The following LDLRAD4 variants were observed in gnomAD, a reference collection of about 807,000 sequenced individuals.
The protein encoded by LDLRAD4 is low density lipoprotein receptor class A domain containing 4, also known as low-density lipoprotein receptor class A domain-containing protein 4.
A neutral mutation model predicts 17.0 loss-of-function variants in LDLRAD4; 5 were observed. The observed-to-expected ratio is 0.29, with a 90% CI of 0.15 to 0.62. The LOEUF (loss-of-function observed/expected upper bound fraction) is 0.62, where lower values mean the gene tolerates loss of function less well. LDLRAD4 is among the 20% of genes least tolerant of loss of function. LDLRAD4 has a pLI of 0.84. For missense variants in LDLRAD4, 340 were observed against 424.7 expected (o/e 0.80, Z 1.75); for synonymous variants, 168 against 171.8 (o/e 0.98, Z 0.17).
At chr18:13,634,436 C>T (rs1003818001) in intron 4 of LDLRAD4, among the ~76,000 whole-genome samples, 25 of 151,952 alleles carry the variant, frequency 1.6e-4, no homozygotes, top group African/African-American at 2.9e-4. Context: ...ATGAACAATT[C>T]GGTAAGGAAA....
At chr18:13,432,052 G>T (rs2090374883) in intron 2 of LDLRAD4, among the ~76,000 whole-genome samples, 1 of 152,192 alleles carries the variant, frequency 6.6e-6, no homozygotes, top group African/African-American at 2.4e-5. Context: ...TCCTCCCTCA[G>T]GTTCCCAGAG....
At chr18:13,254,955 C>T (rs1193322743) in intron 1 of LDLRAD4, among the ~76,000 whole-genome samples, 7 of 152,118 alleles carry the variant, frequency 4.6e-5, no homozygotes, top group Non-Finnish European at 1.0e-4. Flanking sequence ...CAGAACGGGA[C>T]CCTGTCTCAA....
intron 1 of LDLRAD4, among the ~76,000 whole-genome samples, chr18:13,309,165 C>A (rs944334277): frequency 4.6e-5 from 7 of 152,310 alleles, no homozygotes; most frequent in Admixed American, 3.3e-4. Context: ...GGTGCAGAGG[C>A]CTGTGAGCGA....
chr18:13,386,935 GATAGATAGATAGA>G (rs1568082831), intron 1 of LDLRAD4, among the ~76,000 whole-genome samples: 3 of 125,652 alleles, frequency 2.4e-5, no homozygotes, highest in African/African-American at 9.3e-5. Flanking sequence ...TAGATAGATA[GATAGATAGATAGA>G]TGGATGGATG....
At chr18:13,235,808 G>A (rs1345712817) in intron 1 of LDLRAD4, among the ~76,000 whole-genome samples, 1 of 152,222 alleles carries the variant, frequency 6.6e-6, no homozygotes, top group Non-Finnish European at 1.5e-5. Flanking sequence ...TTTCTTGCAG[G>A]CTGGGTGCTG....
intron 1 of LDLRAD4, chr18:13,241,352 G>GTA (rs1258694206): frequency 2.6e-5 from 4 of 152,328 alleles, no homozygotes. Context: ...CTTTCGCTGT[G>GTA]TGTATACATG....
At chr18:13,486,956 C>T (rs993989027) in intron 3 of LDLRAD4, 2 of 152,186 alleles carry the variant, frequency 1.3e-5, no homozygotes, top group African/African-American at 4.8e-5. Context: ...CACACGCACC[C>T]CAACGCTTGC....
chr18:13,330,575 A>G (rs116887490), intron 1 of LDLRAD4, among the ~76,000 whole-genome samples: 3 of 152,346 alleles, frequency 2.0e-5, no homozygotes, highest in Non-Finnish European at 4.4e-5. Flanking sequence ...GATTATTTGT[A>G]GCCTACAGCA....
intron 1 of LDLRAD4, among the ~76,000 whole-genome samples, chr18:13,358,412 G>T (rs1019676967): frequency 6.6e-6 from 1 of 152,054 alleles, no homozygotes; most frequent in Admixed American, 6.6e-5. Flanking sequence ...GATATATCCA[G>T]TTCAAACAGA....
chr18:13,519,418 C>T (rs1310795712), intron 3 of LDLRAD4, among the ~76,000 whole-genome samples: 1 of 152,142 alleles, frequency 6.6e-6, no homozygotes, highest in Non-Finnish European at 1.5e-5. Context: ...CATTGATTTC[C>T]TCAAGGGGAT....
chr18:13,449,588 G>A (rs114458488), intron 3 of LDLRAD4, among the ~76,000 whole-genome samples: 1,824 of 152,346 alleles, frequency 0.012, 38 homozygotes, highest in African/African-American at 0.042. Flanking sequence ...TCCTGCGGGC[G>A]TGCACCTGTT....
chr18:13,470,640 TGTGTTGCGGGAA>T (rs1016063340), intron 3 of LDLRAD4, among the ~76,000 whole-genome samples: 3 of 150,320 alleles, frequency 2.0e-5, no homozygotes, highest in African/African-American at 7.4e-5. Flanking sequence ...CATGCTGGGA[TGTGTTGCGGGAA>T]GTGGATCGCT....
intron 3 of LDLRAD4, among the ~76,000 whole-genome samples, chr18:13,447,625 ACTT>A (rs1479814712): frequency 1.3e-5 from 2 of 152,194 alleles, no homozygotes; most frequent in African/African-American, 4.8e-5. Context: ...AAATTTATCC[ACTT>A]CTTTAAATAT....
At chr18:13,235,996 A>G (rs778215994) in intron 1 of LDLRAD4, among the ~76,000 whole-genome samples, 18 of 152,238 alleles carry the variant, frequency 1.2e-4, no homozygotes, top group Non-Finnish European at 2.4e-4. Flanking sequence ...TGTTTTTATA[A>G]TGAGAAAATT....
intron 3 of LDLRAD4, among the ~76,000 whole-genome samples, chr18:13,606,929 C>T (rs1052354870): frequency 6.6e-6 from 1 of 152,186 alleles, no homozygotes; most frequent in African/African-American, 2.4e-5. Flanking sequence ...CCAAGAGCCT[C>T]ATGGCAACAT....
chr18:13,544,715 C>T (rs972631433), intron 3 of LDLRAD4, among the ~76,000 whole-genome samples: 1 of 152,060 alleles, frequency 6.6e-6, no homozygotes, highest in East Asian at 1.9e-4. Context: ...AGCTAAAGTC[C>T]GAACACACCC....
At chr18:13,396,211 G>A (rs2086681119) in intron 2 of LDLRAD4, among the ~76,000 whole-genome samples, 1 of 152,180 alleles carries the variant, frequency 6.6e-6, no homozygotes, top group South Asian at 2.1e-4. Flanking sequence ...GTGTGAGAAA[G>A]ACATCTCCTG....
At position 13,640,292 on chromosome 18, in the gene LDLRAD4, C is replaced by CAAAAAAAAAAA. The variant is rs55794457; in HGVS notation, c.337-3059_337-3049dup. On this transcript the variant is annotated intron_variant, in intron 4 of 5. Transcript: ENST00000359446. ...TGGGCAACAGAGCGAGATTCCATCT[C>CAAAAAAAAAAA]AAAAAAAAAAAAAAAAAATGAAATC... 4.1e-5 allele frequency among the ~76,000 whole-genome samples: 4 copies of CAAAAAAAAAAA among 98,444 alleles called. 1 individual carries two copies. Among genetic ancestry groups the CAAAAAAAAAAA allele is most frequent in the Non-Finnish European group, 5.7e-5 (3 of 52,652 alleles). The allele number at this position is 98,444 out of a possible 152,430, so 64.6% of individuals were successfully genotyped here.
At chr18:13,606,532 A>G (rs1263912636) in intron 3 of LDLRAD4, among the ~76,000 whole-genome samples, 1 of 152,150 alleles carries the variant, frequency 6.6e-6, no homozygotes, top group Admixed American at 6.5e-5. Context: ...GGCTGGTGGG[A>G]GCACACGCAG....
Sources: gnomAD v4.1 joint callset for allele counts (sites outside exome capture counted in the v4.1 genomes callset) on GRCh38, gnomAD v4.1.1 for gene constraint, MANE v1.5 for transcripts, NCBI Gene and HGNC (gene_info 2026-07-23, HGNC 2026-07-21) for gene names.